The following IQSEC1 variants were observed in gnomAD, a reference collection of about 807,000 sequenced individuals.
IQSEC1 encodes the protein IQ motif and SEC7 domain-containing protein 1.
IQSEC1 carries 31 observed loss-of-function variants against 91.0 expected under a neutral mutation model. That is an observed-to-expected ratio of 0.34 (90% CI 0.26 to 0.46). IQSEC1 has a LOEUF of 0.46. Ranked by LOEUF, IQSEC1 falls within the 20% of genes least tolerant of loss-of-function variation. The probability of loss-of-function intolerance (pLI) is 1.00; values close to 1 mark genes in which losing one functional copy is unlikely to be tolerated. For missense variants in IQSEC1, 1,388 were observed against 1,575.6 expected (o/e 0.88, Z 2.02); for synonymous variants, 699 against 662.6 (o/e 1.05, Z -0.84).
chr3:13,074,694 G>T (rs1252148591), upstream of IQSEC1, among the ~76,000 whole-genome samples: 2 of 152,220 alleles, frequency 1.3e-5, no homozygotes, highest in East Asian at 3.8e-4. Context: ...TGCCTCACTG[G>T]GAGGAATAAA....
intron 2 of IQSEC1, among the ~76,000 whole-genome samples, chr3:13,080,678 C>T (rs537586006): frequency 2.6e-5 from 4 of 152,260 alleles, no homozygotes; most frequent in South Asian, 2.1e-4. Context: ...CACAGCTGCC[C>T]ACCTACCCTC....
At chr3:13,109,485 T>G (rs1192453131) in intron 2 of IQSEC1, among the ~76,000 whole-genome samples, 1 of 152,072 alleles carries the variant, frequency 6.6e-6, no homozygotes, top group Admixed American at 6.6e-5. Context: ...GTGATATTTG[T>G]CCCCACCCAA....
At chr3:13,078,721 A>C (rs1705600902) in intron 2 of IQSEC1, among the ~76,000 whole-genome samples, 1 of 152,166 alleles carries the variant, frequency 6.6e-6, no homozygotes. Flanking sequence ...TTTTAGAGCC[A>C]GGGCAGCTGG....
chr3:13,178,970 C>A (rs1693786395), intron 1 of IQSEC1, among the ~76,000 whole-genome samples: 1 of 152,238 alleles, frequency 6.6e-6, no homozygotes, highest in Non-Finnish European at 1.5e-5. Context: ...CACCAGATCA[C>A]CACATCCAGA....
At chr3:12,944,267 AG>A (rs58485544) in intron 1 of IQSEC1, among the ~76,000 whole-genome samples, 1 of 152,178 alleles carries the variant, frequency 6.6e-6, no homozygotes, top group South Asian at 2.1e-4. Context: ...GTAGGGGGCG[AG>A]GGGGAGAACA....
chr3:13,077,866 T>C (rs56353997), upstream of IQSEC1, among the ~76,000 whole-genome samples: 2,224 of 152,362 alleles, frequency 0.015, 51 homozygotes, highest in African/African-American at 0.05. Context: ...GCAGCAGTCC[T>C]TGATATGCTC....
chr3:13,273,543 G>T (rs1301724104), intron 1 of IQSEC1, among the ~76,000 whole-genome samples: 6 of 152,174 alleles, frequency 3.9e-5, no homozygotes, highest in African/African-American at 1.4e-4. Context: ...CATCTGAACT[G>T]GCGATTGTTG....
In IQSEC1 at chr3:12,924,031, C is replaced by T. The variant is rs763846058; in HGVS notation, c.1730+550G>A. Among the ~76,000 whole-genome samples, 2 of 152,144 alleles carry T rather than the reference C, an allele frequency of 1.3e-5. No individual in the cohort carries two copies. Among genetic ancestry groups the T allele is most frequent in the East Asian group, 1.9e-4 (1 of 5,174 alleles). On this transcript the variant is annotated intron_variant, in intron 4 of 13. Coordinates refer to ENST00000613206, the MANE Select transcript of IQSEC1 (RefSeq NM_001134382.3). The surrounding 1 kb of genome is among the most constrained non-coding windows in gnomAD (Gnocchi z 6.3). The stretch of plus-strand genomic sequence containing the variant: ...GGACGCACAGCCCCAATATCCCAGC[C>T]GGGAGAATGAGGCAGGGGCAGAGCG...
At chr3:13,269,166 G>A (rs867823738) in intron 1 of IQSEC1, among the ~76,000 whole-genome samples, 20 of 152,178 alleles carry the variant, frequency 1.3e-4, no homozygotes, top group South Asian at 6.2e-4. Flanking sequence ...CTTGGCCACC[G>A]GCTCAGGGCA....
intron 2 of IQSEC1, among the ~76,000 whole-genome samples, chr3:13,146,865 G>A (rs550498077): frequency 6.6e-6 from 1 of 152,266 alleles, no homozygotes; most frequent in East Asian, 1.9e-4. Context: ...TGTCAATGTG[G>A]CAATCCTGCT....
rs1021846864 is a variant in IQSEC1, at chr3:13,263,453, C to CT, written c.272+19257dup. 2.2e-3 allele frequency among the ~76,000 whole-genome samples: 295 copies of CT among 135,330 alleles called. 3 individuals carry two copies. Among genetic ancestry groups the CT allele is most frequent in the African/African-American group, 6.4e-3 (236 of 36,790 alleles). 88.8% of individuals were successfully genotyped at this position (135,330 alleles called of 152,430 possible). A position where few individuals can be genotyped will look rare whatever the true frequency, so the allele number is the denominator to read the frequency against. On this transcript the variant is annotated intron_variant, in intron 1 of 15. Coordinates refer to the IQSEC1 transcript ENST00000648114. ...GGGGGGGGGGGGAAAGTACCTGACA[C>CT]TTTTTTTTTTTGAGAGTCATGCTCT...
At chr3:13,145,297 T>TCACTACTCTCATCAGTGACC (rs1359905542) in intron 2 of IQSEC1, among the ~76,000 whole-genome samples, 19 of 152,090 alleles carry the variant, frequency 1.2e-4, no homozygotes, top group Non-Finnish European at 2.6e-4. Flanking sequence ...GGCTGGTGGC[T>TCACTACTCTCATCAGTGACC]CACTACTCTC....
chr3:13,265,528 A>G lies in IQSEC1; in HGVS notation c.272+17183T>C, dbSNP rs1209093760. Among the ~76,000 whole-genome samples, 7 of 152,346 alleles carry G rather than the reference A, an allele frequency of 4.6e-5. No individual in the cohort carries two copies. In the East Asian group the frequency reaches 1.4e-3, roughly 29 times the overall value. ...AACCAAATACACGAACACAGACTGA[A>G]ACCCATGGTTTCTTCTCTCATGCAG... On this transcript the variant is annotated intron_variant, in intron 1 of 15. Transcript: ENST00000648114.
At chr3:12,915,846 A>T in intron 6 of IQSEC1, 113 bp from the exon 7 acceptor site, 1 of 1,255,986 alleles carries the variant, frequency 8.0e-7, no homozygotes, top group Non-Finnish European at 1.1e-6. Flanking sequence ...AGAACCAAAG[A>T]ACTCCCAGGC....
chr3:13,241,836 A>C (rs1428154105), intron 1 of IQSEC1, among the ~76,000 whole-genome samples: 1 of 152,246 alleles, frequency 6.6e-6, no homozygotes, highest in Non-Finnish European at 1.5e-5. Context: ...AGAGCCTCTG[A>C]GGCCGTAGGA....
At chr3:13,123,152 G>A (rs1706451842) in intron 2 of IQSEC1, among the ~76,000 whole-genome samples, 1 of 152,202 alleles carries the variant, frequency 6.6e-6, no homozygotes, top group Admixed American at 6.5e-5. Flanking sequence ...CAGCCAAGAA[G>A]GCTTTGCACC....
chr3:12,930,001 T>A (rs556784379), intron 3 of IQSEC1, among the ~76,000 whole-genome samples: 9 of 152,346 alleles, frequency 5.9e-5, no homozygotes, highest in African/African-American at 2.2e-4. Flanking sequence ...CACGCATCTC[T>A]CATCGTCTTT....
At chr3:13,153,181 A>C (rs1198671642) in intron 2 of IQSEC1, among the ~76,000 whole-genome samples, 3 of 151,454 alleles carry the variant, frequency 2.0e-5, no homozygotes, top group Admixed American at 1.3e-4. Context: ...TGTCCTCCTC[A>C]GGGCTCCTGG....
intron 1 of IQSEC1, among the ~76,000 whole-genome samples, chr3:13,035,272 T>C (rs890029405): frequency 6.6e-6 from 1 of 152,212 alleles, no homozygotes; most frequent in Admixed American, 6.5e-5. Flanking sequence ...TTGCTGTAGT[T>C]GGCCTGTGGC....
Sources: gnomAD v4.1 joint callset for allele counts (sites outside exome capture counted in the v4.1 genomes callset) on GRCh38, gnomAD v4.1.1 for gene constraint, Gnocchi (gnomAD v3.1) non-coding constraint, MANE v1.5 for transcripts, NCBI Gene and HGNC (gene_info 2026-07-23, HGNC 2026-07-21) for gene names.